The following SPOCK3 variants were observed in gnomAD, a reference collection of about 807,000 sequenced individuals.
The protein encoded by SPOCK3 is testican-3.
Under a neutral mutation model 56.6 loss-of-function variants are expected in SPOCK3, and 30 were observed. The observed-to-expected ratio is 0.53, with a 90% confidence interval of 0.40 to 0.72. The LOEUF (loss-of-function observed/expected upper bound fraction) is 0.72. Among genes scored for constraint, SPOCK3 ranks in the 30% least tolerant of loss-of-function variants. The pLI is 0.00. For synonymous variants in SPOCK3, 196 were observed against 183.3 expected (o/e 1.07, Z -0.56); for missense variants, 527 against 530.0 (o/e 0.99, Z 0.06).
intron 4 of SPOCK3, among the ~76,000 whole-genome samples, chr4:166,928,813 C>A (rs1478400830): frequency 1.3e-5 from 2 of 151,962 alleles, no homozygotes; most frequent in African/African-American, 4.8e-5. Context: ...ACTAAAAATA[C>A]AAAAATTAGC....
intron 2 of SPOCK3, among the ~76,000 whole-genome samples, chr4:167,179,228 T>C (rs1447080008): frequency 2.0e-5 from 3 of 152,192 alleles, no homozygotes; most frequent in Non-Finnish European, 2.9e-5. Flanking sequence ...TTCCTTAGTT[T>C]CTTCCTTATT....
chr4:167,134,022 CTTTT>C (rs34410893), intron 2 of SPOCK3, among the ~76,000 whole-genome samples: 2 of 80,558 alleles, frequency 2.5e-5, no homozygotes, highest in African/African-American at 4.9e-5. Context: ...ACACCTTTTT[CTTTT>C]TTTTTTTTTT....
chr4:167,126,716 C>T (rs181467248), intron 2 of SPOCK3, among the ~76,000 whole-genome samples: 105 of 152,236 alleles, frequency 6.9e-4, no homozygotes, highest in African/African-American at 2.4e-3. Flanking sequence ...TTTATCCTTA[C>T]AATCAAGTCC....
upstream of SPOCK3, chr4:167,234,703 G>C (rs936947257): frequency 6.1e-6 from 1 of 164,392 alleles, no homozygotes; most frequent in Non-Finnish European, 1.3e-5. Context: ...CCTTCCTCTC[G>C]CTGGATCCCA....
chr4:166,926,306 C>G (rs552390258), intron 4 of SPOCK3, among the ~76,000 whole-genome samples: 1 of 151,900 alleles, frequency 6.6e-6, no homozygotes, highest in African/African-American at 2.4e-5. Context: ...TTATTTGAAC[C>G]CTATGGGCTC....
intron 2 of SPOCK3, among the ~76,000 whole-genome samples, chr4:167,160,268 C>T (rs920078805): frequency 2.3e-4 from 35 of 151,868 alleles, no homozygotes; most frequent in East Asian, 1.4e-3. Context: ...GAGAGCCAAA[C>T]CATGAGTGAA....
intron 6 of SPOCK3, among the ~76,000 whole-genome samples, chr4:166,872,476 C>T (rs1047628195): frequency 2.0e-5 from 3 of 152,076 alleles, no homozygotes; most frequent in Non-Finnish European, 4.4e-5. Flanking sequence ...AAACTTATGT[C>T]CATACAAAAA....
chr4:166,971,200 A>C (rs1745339237), intron 4 of SPOCK3, among the ~76,000 whole-genome samples: 1 of 152,190 alleles, frequency 6.6e-6, no homozygotes, highest in South Asian at 2.1e-4. Flanking sequence ...CTGACACATA[A>C]ATATTTGTAC....
At chr4:167,056,021 G>A (rs539632244) in intron 3 of SPOCK3, among the ~76,000 whole-genome samples, 3 of 152,298 alleles carry the variant, frequency 2.0e-5, no homozygotes, top group African/African-American at 7.2e-5. Context: ...CCTGACAGCA[G>A]ACCCCCAAGC....
intron 2 of SPOCK3, among the ~76,000 whole-genome samples, chr4:167,113,334 T>C (rs1761058455): frequency 6.6e-6 from 1 of 152,086 alleles, no homozygotes; most frequent in Non-Finnish European, 1.5e-5. Flanking sequence ...TACATTTATA[T>C]GAGTATGCAC....
intron 2 of SPOCK3, among the ~76,000 whole-genome samples, chr4:167,144,104 T>G (rs1262939912): frequency 6.6e-6 from 1 of 152,016 alleles, no homozygotes; most frequent in Non-Finnish European, 1.5e-5. Context: ...CTTCATATAT[T>G]TTTTCCTCTT....
intron 6 of SPOCK3, among the ~76,000 whole-genome samples, chr4:166,811,866 T>C (rs1390933633): frequency 6.6e-6 from 1 of 151,898 alleles, no homozygotes; most frequent in Non-Finnish European, 1.5e-5. Flanking sequence ...TTGGAAACAG[T>C]ATTTTAGGAA....
At chr4:166,795,040 G>C (rs1442624668) in intron 6 of SPOCK3, among the ~76,000 whole-genome samples, 6 of 152,148 alleles carry the variant, frequency 3.9e-5, no homozygotes, top group African/African-American at 1.4e-4. Flanking sequence ...TTAATAGCAA[G>C]TTTGTTAACA....
At chr4:166,976,164 T>G (rs1393243550) in intron 4 of SPOCK3, among the ~76,000 whole-genome samples, 1 of 151,998 alleles carries the variant, frequency 6.6e-6, no homozygotes, top group Non-Finnish European at 1.5e-5. Flanking sequence ...GAAAAATGTC[T>G]GTTCCTACCA....
rs192204184 is a variant in SPOCK3, at chr4:166,865,398, C to T, written c.589+23732G>A. 2.1e-4 allele frequency among the ~76,000 whole-genome samples: 32 copies of T among 152,238 alleles called. 2 individuals are homozygous for T. In the East Asian group the frequency reaches 6.0e-3, roughly 29 times the overall value. ...GACAAAGATGCCCTCTCTCACCACT[C>T]CTATTCAACATAGTATTGGAAACTC... On this transcript the variant is annotated intron_variant, in intron 6 of 10. Transcript: ENST00000357545.
intron 2 of SPOCK3, among the ~76,000 whole-genome samples, chr4:167,152,865 T>G (rs1764531823): frequency 6.6e-6 from 1 of 152,088 alleles, no homozygotes. Flanking sequence ...GAGAAAAAAA[T>G]TAATTTTTTT....
Position 166,792,254 on chromosome 4 carries a change from T to C in SPOCK3, c.625A>G (p.Arg209Gly), listed in dbSNP as rs200199455. The change falls in exon 7 of 11, where the codon AGA (arginine) becomes GGA (glycine). Residue 209 changes from arginine to glycine, a missense_variant. Coordinates refer to ENST00000357545, the MANE Select transcript of SPOCK3 (RefSeq NM_001040159.2). ...SDLEFREVAN[R>G]LRDWFKALHE... ...AGGGCCTTGAACCAGTCCCGCAATCTGTTTGCCACTTCCCTGAACTCCAGG... is the reference window on the plus strand; with the variant it reads ...AGGGCCTTGAACCAGTCCCGCAATCCGTTTGCCACTTCCCTGAACTCCAGG... 55 of 1,613,910 alleles carry C rather than the reference T, an allele frequency of 3.4e-5. No homozygotes were observed. In the East Asian group the frequency reaches 1.1e-3, roughly 33 times the overall value.
At chr4:166,790,378 A>G (rs965493740) in intron 7 of SPOCK3, among the ~76,000 whole-genome samples, 2 of 152,200 alleles carry the variant, frequency 1.3e-5, no homozygotes, top group African/African-American at 2.4e-5. Flanking sequence ...ATTCACCCAT[A>G]GGGTGCACAG....
intron 7 of SPOCK3, among the ~76,000 whole-genome samples, chr4:166,768,957 T>C (rs971873033): frequency 5.3e-5 from 8 of 152,306 alleles, no homozygotes; most frequent in Admixed American, 5.2e-4. Flanking sequence ...TCACTGATAC[T>C]CTTTCTTCCA....
Sources: allele counts gnomAD v4.1 joint callset (sites outside exome capture counted in the v4.1 genomes callset), GRCh38; gene constraint gnomAD v4.1.1; transcripts MANE v1.5; gene names NCBI Gene and HGNC (gene_info 2026-07-23, HGNC 2026-07-21).